Variants in SMARCD2 observed in about 807,000 individuals in gnomAD.
SMARCD2 encodes the protein SWI/SNF-related matrix-associated actin-dependent regulator of chromatin subfamily D member 2.
SMARCD2 carries 39 observed loss-of-function variants against 70.4 expected under a neutral mutation model. The ratio of observed to expected loss-of-function variants is 0.55; its 90% CI spans 0.43 to 0.72. The LOEUF is 0.72. Among genes scored for constraint, SMARCD2 ranks in the 30% least tolerant of loss-of-function variants. The pLI is 0.00. For synonymous variants in SMARCD2, 249 were observed against 279.4 expected, an observed-to-expected ratio of 0.89 and a Z score of 1.08; for missense variants, 540 against 713.4, an observed-to-expected ratio of 0.76 and a Z score of 2.77.
In SMARCD2 at chr17:63,834,796, C is replaced by T. The variant is rs1391773984; in HGVS notation, c.728G>A (p.Ser243Asn). ...RVEGKLLDDP[S>N]KQKRKFSSFF... ...TGAAGAAAACTTCCTCTTCTGTTTGCTAGGCTGGGGATGGAAAGGGGTGTG... is the reference window on the plus strand; with the variant it reads ...TGAAGAAAACTTCCTCTTCTGTTTGTTAGGCTGGGGATGGAAAGGGGTGTG... The change falls in exon 6 of 13, where the codon AGC becomes AAC. Residue 243 changes from serine to asparagine, a missense_variant. Coordinates refer to ENST00000448276, the MANE Select transcript of SMARCD2 (RefSeq NM_001098426.2). This position sits in a 1 kb window ranked among gnomAD's most constrained non-coding sequence, Gnocchi z 5.6. The T allele has an allele frequency of 6.2e-7, 1 of 1,610,430 alleles. No individual in the cohort carries two copies. Among genetic ancestry groups the T allele is most frequent in the Admixed American group, 1.7e-5 (1 of 59,998 alleles).
At chr17:63,835,284 A>T in intron 5 of SMARCD2, 128 bp downstream of exon 5, 1 of 912,738 alleles carries the variant, frequency 1.1e-6, no homozygotes, top group Non-Finnish European at 1.6e-6. Context: ...CACCGCACCC[A>T]GCTAATTTTT....
intron 5 of SMARCD2, 178 bp downstream of exon 5, chr17:63,835,234 T>C: frequency 1.6e-6 from 1 of 610,016 alleles, no homozygotes; most frequent in Non-Finnish European, 2.8e-6. Context: ...GCCATCCTCC[T>C]GCATCAGCCT....
At chr17:63,842,428 G>A in intron 1 of SMARCD2, 31 bp downstream of exon 1, 1 of 1,337,902 alleles carries the variant, frequency 7.5e-7, no homozygotes, top group Non-Finnish European at 9.6e-7. Context: ...AGCGCCTCTC[G>A]CCCCCGTCCG....
At chr17:63,840,270 A>G (rs1904406118) in intron 1 of SMARCD2, among the ~76,000 whole-genome samples, 1 of 151,634 alleles carries the variant, frequency 6.6e-6, no homozygotes, top group African/African-American at 2.4e-5. Flanking sequence ...CCTGGACTCA[A>G]GCAATCCTCC....
chr17:63,836,759 C>T (rs1567762261), intron 4 of SMARCD2, 163 bp downstream of exon 4: 3 of 646,276 alleles, frequency 4.6e-6, no homozygotes, highest in Non-Finnish European at 8.4e-6. Context: ...TCATTTAAAA[C>T]ATACTGGCCC....
chr17:63,834,201 C>T lies in SMARCD2; in HGVS notation c.1049G>A (p.Arg350Gln), dbSNP rs1453602133. 1.9e-6 allele frequency: 3 copies of T among 1,607,692 alleles called. 1 individual carries two copies. Among genetic ancestry groups the T allele is most frequent in the South Asian group, 2.2e-5 (2 of 90,180 alleles). ...GTAACGGTTGCAGTTGATGTACTCC[C>T]GCTCGTGCCCATCCTGCAGCTGGTT... is the stretch of plus-strand genomic sequence containing the variant. ...KHNQLQDGHE[R>Q]EYINCNRYFR... The change falls in exon 8 of 13, where the codon CGG becomes CAG. Residue 350 changes from arginine to glutamine, a missense_variant. Transcript: ENST00000448276. The surrounding 1 kb of genome is among the most constrained non-coding windows in gnomAD (Gnocchi z 5.6).
rs1205411981 is a variant in SMARCD2 at position 63,837,479 on chromosome 17, C to T, written c.363G>A (p.Val121=). 6.3e-7 allele frequency: 1 copy of T among 1,586,330 alleles called. No homozygotes were observed. The highest frequency in any genetic ancestry group is 1.3e-5 in the African/African-American group (1 of 74,366). The part of the protein sequence containing the change: ...MMDPFRKRLL[V]PQAQPPMPAQ... Reference sequence around the variant, plus strand: ...CAGGCATGGGAGGCTGCGCCTGGGGCACAAGCAGGCGTTTTCGGAATGGAT... The same window carrying T: ...CAGGCATGGGAGGCTGCGCCTGGGGTACAAGCAGGCGTTTTCGGAATGGAT... Residue 121 remains valine (V), a synonymous_variant, in exon 2 of 13, where the codon GTG becomes GTA. Transcript: ENST00000448276. This position sits in a 1 kb window ranked among gnomAD's most constrained non-coding sequence, Gnocchi z 6.4.
Position 63,835,397 on chromosome 17 carries a change from C to G in SMARCD2, c.723+15G>C. ...ACAGGCCTCCTTCCCTCCAGAACCTCCCTCCCCAACTCACATCATCCAGCA... is the reference window on the plus strand; with the variant it reads ...ACAGGCCTCCTTCCCTCCAGAACCTGCCTCCCCAACTCACATCATCCAGCA... On this transcript the variant is annotated intron_variant, in intron 5 of 12. Coordinates refer to ENST00000448276, the MANE Select transcript of SMARCD2 (RefSeq NM_001098426.2). 6.2e-7 allele frequency: 1 copy of G among 1,609,466 alleles called. No homozygotes were observed.
At chr17:63,835,780 T>C (rs904572741) in intron 4 of SMARCD2, 6 of 420,222 alleles carry the variant, frequency 1.4e-5, no homozygotes, top group Non-Finnish European at 2.6e-5. Context: ...CAGGCTGGAG[T>C]GCAGTGGCGC....
chr17:63,833,730 C>T lies in SMARCD2; in HGVS notation c.1182-8G>A, dbSNP rs2040226162. The T allele has an allele frequency of 1.2e-6, 2 of 1,613,892 alleles. No individual in the cohort carries two copies. Among genetic ancestry groups the T allele is most frequent in the South Asian group, 1.1e-5 (1 of 91,088 alleles). ...TGGTCGTTAGGGTCGACACTGCAGG[C>T]AGCACATGGGGAGGGAAGGCACATA... On this transcript the variant is annotated splice_region_variant and splice_polypyrimidine_tract_variant and intron_variant, in intron 9 of 12. Transcript: ENST00000448276. This position sits in a 1 kb window ranked among gnomAD's most constrained non-coding sequence, Gnocchi z 4.3.
intron 1 of SMARCD2, among the ~76,000 whole-genome samples, chr17:63,840,123 C>T (rs1005120486): frequency 1.3e-5 from 2 of 151,236 alleles, no homozygotes; most frequent in Non-Finnish European, 2.9e-5. Flanking sequence ...AGTGAGACTC[C>T]GTATCAGAAA....
In SMARCD2 at chr17:63,835,054, C is replaced by T. The variant is rs997773658; in HGVS notation, c.724-254G>A. 5 of 550,318 alleles carry T rather than the reference C, an allele frequency of 9.1e-6. No homozygotes were observed. The African/African-American group carries it at 9.4e-5, about 10-fold the overall frequency. 34.1% of individuals were successfully genotyped at this position (550,318 alleles called of 1,614,324 possible). ...ACACTGTAATAACCACACAAATCAA[C>T]CTCCAACGGGCTTGGAGCAGCGCCC... On this transcript the variant is annotated intron_variant, in intron 5 of 12. Coordinates refer to ENST00000448276, the MANE Select transcript of SMARCD2 (RefSeq NM_001098426.2).
At chr17:63,835,226 C>T in intron 5 of SMARCD2, 186 bp downstream of exon 5, 1 of 596,254 alleles carries the variant, frequency 1.7e-6, no homozygotes, top group Non-Finnish European at 2.9e-6. Context: ...GGGCTCAAGC[C>T]ATCCTCCTGC....
Position 63,833,172 on chromosome 17 carries a change from T to C in SMARCD2, c.1441-2A>G, listed in dbSNP as rs1401848695. 6.2e-7 allele frequency: 1 copy of C among 1,608,080 alleles called. No individual in the cohort carries two copies. On this transcript the variant is annotated splice_acceptor_variant, in intron 11 of 12. Coordinates refer to ENST00000448276, the MANE Select transcript of SMARCD2 (RefSeq NM_001098426.2). LOFTEE classifies it high-confidence loss of function. The surrounding 1 kb of genome is among the most constrained non-coding windows in gnomAD (Gnocchi z 4.3). Reference sequence around the variant, plus strand: ...ATTTCCAATCACATCAGTGATGATCTGCAAAGAGCCAGGAGGAAAGCCATA... The same window carrying C: ...ATTTCCAATCACATCAGTGATGATCCGCAAAGAGCCAGGAGGAAAGCCATA...
Position 63,833,770 on chromosome 17 carries a change from G to A in SMARCD2, c.1182-48C>T. On this transcript the variant is annotated intron_variant, in intron 9 of 12. Coordinates refer to ENST00000448276, the MANE Select transcript of SMARCD2 (RefSeq NM_001098426.2). The surrounding 1 kb of genome is among the most constrained non-coding windows in gnomAD (Gnocchi z 4.3). ...GAAGGCACATAGCTGACTTCATCCT[G>A]CCCACCTGGGCCAAATCTGGGGCCC... 2.5e-6 allele frequency: 4 copies of A among 1,610,236 alleles called. No individual in the cohort carries two copies. The highest frequency in any genetic ancestry group is 3.4e-6 in the Non-Finnish European group (4 of 1,176,748).
chr17:63,834,504 C>T lies in SMARCD2; in HGVS notation c.891G>A (p.Lys297=), dbSNP rs1441942185. 6.2e-7 allele frequency: 1 copy of T among 1,603,332 alleles called. No individual in the cohort carries two copies. Among genetic ancestry groups the T allele is most frequent in the East Asian group, 2.2e-5 (1 of 44,640 alleles). The change falls in exon 7 of 13, where the codon AAG becomes AAA. Residue 297 remains lysine, a synonymous_variant. Coordinates refer to ENST00000448276, the MANE Select transcript of SMARCD2 (RefSeq NM_001098426.2). The surrounding 1 kb of genome is among the most constrained non-coding windows in gnomAD (Gnocchi z 5.6). ...GATCCAGCATGAGCAGGAGGGTGCA[C>T]TTGACGTTGAGGTCTCCAGGCCGTT... ...QVKRPGDLNV[K]CTLLLMLDHQ...
Position 63,842,584 on chromosome 17 carries a change from G to T in SMARCD2, c.91C>A (p.Pro31Thr). The T allele has an allele frequency of 1.7e-6, 2 of 1,209,592 alleles. No individual in the cohort carries two copies. Among genetic ancestry groups the T allele is most frequent in the South Asian group, 8.2e-5 (2 of 24,404 alleles). The allele number at this position is 1,209,592 out of a possible 1,614,324, so 74.9% of individuals were successfully genotyped here. A position where few individuals can be genotyped will look rare whatever the true frequency, so the allele number is the denominator to read the frequency against. ...CCGGGCAGCATGCCGGGTCCCGCGGGGGGAGGCGGCGCTCCCAGGGCCGCA... is the reference window on the plus strand; with the variant it reads ...CCGGGCAGCATGCCGGGTCCCGCGGTGGGAGGCGGCGCTCCCAGGGCCGCA... ...VAAALGAPPPPAGPGMLPGPA... is the reference protein window; with the variant it reads ...VAAALGAPPPTAGPGMLPGPA... Residue 31 changes from proline to threonine, a missense_variant, in exon 1 of 13, where the codon CCC (proline) becomes ACC (threonine). Pro to Thr is a conservative substitution (Grantham distance 38, BLOSUM62 -1). Transcript: ENST00000448276.
In SMARCD2 at chr17:63,833,736, A is replaced by C. The variant is rs775655831; in HGVS notation, c.1182-14T>G. On this transcript the variant is annotated splice_polypyrimidine_tract_variant and intron_variant, in intron 9 of 12. Coordinates refer to ENST00000448276, the MANE Select transcript of SMARCD2 (RefSeq NM_001098426.2). This position sits in a 1 kb window ranked among gnomAD's most constrained non-coding sequence, Gnocchi z 4.3. ...TTAGGGTCGACACTGCAGGCAGCACATGGGGAGGGAAGGCACATAGCTGAC... is the reference window on the plus strand; with the variant it reads ...TTAGGGTCGACACTGCAGGCAGCACCTGGGGAGGGAAGGCACATAGCTGAC... 1 of 1,613,990 alleles carries C rather than the reference A, an allele frequency of 6.2e-7. No individual in the cohort carries two copies. Among genetic ancestry groups the C allele is most frequent in the Non-Finnish European group, 8.5e-7 (1 of 1,179,886 alleles).
In SMARCD2 at chr17:63,837,377, A is replaced by T; in HGVS notation, c.401+64T>A. ...TCAGTCACCAAAGCTCTTAAGATAG[A>T]AGGAAACCCTCTGCTACCACCAGAG... On this transcript the variant is annotated intron_variant, in intron 2 of 12. Coordinates refer to ENST00000448276, the MANE Select transcript of SMARCD2 (RefSeq NM_001098426.2). The surrounding 1 kb of genome is among the most constrained non-coding windows in gnomAD (Gnocchi z 6.4). The T allele has an allele frequency of 6.5e-7, 1 of 1,550,356 alleles. No individual in the cohort carries two copies. Among genetic ancestry groups the T allele is most frequent in the Middle Eastern group, 1.7e-4 (1 of 5,882 alleles).
Sources: gnomAD v4.1 joint callset for allele counts (sites outside exome capture counted in the v4.1 genomes callset) on GRCh38, gnomAD v4.1.1 for gene constraint, Gnocchi (gnomAD v3.1) non-coding constraint, MANE v1.5 for transcripts, NCBI Gene and HGNC (gene_info 2026-07-23, HGNC 2026-07-21) for gene names.